Variants in AMZ1 observed in about 807,000 individuals in gnomAD.
The protein encoded by AMZ1 is archaelysin family metallopeptidase 1.
A neutral mutation model predicts 29.9 loss-of-function variants in AMZ1; 39 were observed. That is an observed-to-expected ratio of 1.30 (90% CI 1.01 to 1.70). The LOEUF is 1.70. AMZ1 is among the 40% of genes most tolerant of loss of function. The pLI, the probability that AMZ1 is intolerant of heterozygous loss-of-function variation, is 0.00. For synonymous variants in AMZ1, 458 were observed against 304.0 expected, an observed-to-expected ratio of 1.51 and a Z score of -5.27; for missense variants, 1,041 against 680.6, an observed-to-expected ratio of 1.53 and a Z score of -5.89.
chr7:2,681,645 G>A (rs1786887056), intron 1 of AMZ1, among the ~76,000 whole-genome samples: 3 of 152,150 alleles, frequency 2.0e-5, no homozygotes, highest in Admixed American at 6.5e-5. Flanking sequence ...GACAGACCCC[G>A]ACAGGGACAG....
rs144511959 is a variant in AMZ1 at position 2,706,651 on chromosome 7, G to A, written c.473-1937G>A. Among the ~76,000 whole-genome samples the A allele has an allele frequency of 2.5e-4, 38 of 152,290 alleles. No homozygotes were observed. In the East Asian group the frequency reaches 7.0e-3, roughly 28 times the overall value. The stretch of plus-strand genomic sequence containing the variant: ...GCCTTTGACTTCCCGTGAGCTTTAC[G>A]CCATGTGCCTCTGCGTCTCTTCTAA... On this transcript the variant is annotated intron_variant, in intron 3 of 6. Transcript: ENST00000683327.
intron 1 of AMZ1, among the ~76,000 whole-genome samples, chr7:2,698,340 C>A (rs1430987315): frequency 9.2e-5 from 14 of 152,188 alleles, no homozygotes; most frequent in Non-Finnish European, 1.5e-5. Flanking sequence ...GAGTTTGAGA[C>A]CAGCCTGGCC....
intron 3 of AMZ1, 51 bp from the exon 4 acceptor site, chr7:2,708,536 AT>A (rs1788508966): frequency 6.2e-7 from 1 of 1,605,036 alleles, no homozygotes; most frequent in Non-Finnish European, 8.5e-7. Context: ...AGCCTGGAAG[AT>A]GGGGGTCCCC....
chr7:2,700,026 C>G (rs1787958473), intron 1 of AMZ1, among the ~76,000 whole-genome samples: 2 of 149,756 alleles, frequency 1.3e-5, no homozygotes, highest in African/African-American at 4.9e-5. Flanking sequence ...GGGACCCAAC[C>G]TGCTAGAGAA....
chr7:2,699,712 T>TG (rs1787942476), intron 1 of AMZ1, among the ~76,000 whole-genome samples: 1 of 152,090 alleles, frequency 6.6e-6, no homozygotes, highest in Non-Finnish European at 1.5e-5. Context: ...CCCCAGGCGA[T>TG]GGGGGGACCC....
At chr7:2,709,937 C>G (rs895630391) in intron 6 of AMZ1, 121 bp downstream of exon 6, 4 of 1,357,184 alleles carry the variant, frequency 2.9e-6, no homozygotes, top group African/African-American at 1.5e-5. Flanking sequence ...TGCCGGGTTC[C>G]AGGCAGTGCA....
In AMZ1 at chr7:2,712,833, C is replaced by T. The variant is rs1464706555; in HGVS notation, c.1452C>T (p.Ala484=). The change falls in exon 7 of 7, where the codon GCC becomes GCT. Residue 484 remains alanine, a synonymous_variant. Transcript: ENST00000683327. The stretch of plus-strand genomic sequence containing the variant: ...GGAAGCTGAGTGCCCGAAAACTCGC[C>T]AGAGCAGAGTCGGCCCCCCGTCCCT... The part of the protein sequence containing the change: ...LRRKLSARKL[A]RAESAPRPWD... 5.2e-6 allele frequency: 8 copies of T among 1,534,422 alleles called. No individual in the cohort carries two copies. Among genetic ancestry groups the T allele is most frequent in the Non-Finnish European group, 7.0e-6 (8 of 1,139,592 alleles).
intron 1 of AMZ1, among the ~76,000 whole-genome samples, chr7:2,682,118 A>G (rs2115021426): frequency 6.6e-6 from 1 of 152,302 alleles, no homozygotes; most frequent in East Asian, 1.9e-4. Context: ...ATACTAATCC[A>G]GAAGCTCAAA....
intron 3 of AMZ1, among the ~76,000 whole-genome samples, chr7:2,706,640 G>A (rs1026878748): frequency 6.6e-6 from 1 of 152,178 alleles, no homozygotes; most frequent in African/African-American, 2.4e-5. Context: ...TTGACTTCCC[G>A]TGAGCTTTAC....
intron 4 of AMZ1, among the ~76,000 whole-genome samples, chr7:2,744,362 A>G (rs1790663262): frequency 6.6e-6 from 1 of 152,292 alleles, no homozygotes; most frequent in East Asian, 1.9e-4. Context: ...GTGGGTCACC[A>G]ATATCCGCTG....
intron 4 of AMZ1, among the ~76,000 whole-genome samples, chr7:2,744,725 T>C (rs1790683876): frequency 6.6e-6 from 1 of 152,104 alleles, no homozygotes; most frequent in Non-Finnish European, 1.5e-5. Context: ...TACTCTGAGC[T>C]ACAGGAGGAA....
At position 2,709,078 on chromosome 7, in the gene AMZ1, T is replaced by C; in HGVS notation, c.605T>C (p.Val202Ala). 2.5e-6 allele frequency: 4 copies of C among 1,587,184 alleles called. No homozygotes were observed. Among genetic ancestry groups the C allele is most frequent in the Non-Finnish European group, 3.4e-6 (4 of 1,166,852 alleles). ...TFSKFLPGHE[V>A]GVCSFARFSG... ...CCTTCTCTCCATCTCTCTCCAGAAG[T>C]GGGCGTCTGCAGCTTCGCCCGGTTC... Residue 202 changes from valine (V) to alanine (A), a missense_variant, in exon 5 of 7, where the codon GTG becomes GCG. Transcript: ENST00000683327.
chr7:2,746,173 A>C (rs1227570991), intron 4 of AMZ1, among the ~76,000 whole-genome samples: 1 of 152,234 alleles, frequency 6.6e-6, no homozygotes, highest in East Asian at 1.9e-4. Context: ...AGCAGACCTA[A>C]TAGACATCTA....
In AMZ1 at chr7:2,731,437, T is replaced by G. The variant is rs1434842389; in HGVS notation, n.550+21621T>G. On this transcript the variant is annotated intron_variant and non_coding_transcript_variant, in intron 4 of 4. Coordinates refer to the AMZ1 transcript ENST00000489665. This position sits in a 1 kb window ranked among gnomAD's most constrained non-coding sequence, Gnocchi z 6.0. ...CACCTTCTCCACCAGGAGGTCCATC[T>G]TGTTGAGGAAGAGAATGATGGAGAC... The G allele has an allele frequency of 6.2e-7, 1 of 1,613,710 alleles. No individual in the cohort carries two copies. Among genetic ancestry groups the G allele is most frequent in the Admixed American group, 1.7e-5 (1 of 59,980 alleles).
At chr7:2,743,543 T>G (rs542470247) in intron 4 of AMZ1, among the ~76,000 whole-genome samples, 37 of 152,250 alleles carry the variant, frequency 2.4e-4, no homozygotes, top group African/African-American at 8.7e-4. Flanking sequence ...CAAAATCTTA[T>G]CAGAGGTCAG....
At chr7:2,688,690 A>G (rs1312697147) in intron 1 of AMZ1, among the ~76,000 whole-genome samples, 1 of 152,132 alleles carries the variant, frequency 6.6e-6, no homozygotes, top group East Asian at 1.9e-4. Flanking sequence ...GGGGCGAGCC[A>G]GGTGGGTGCG....
rs553326573 is a variant in AMZ1 at position 2,715,957 on chromosome 7, C to T, written c.*3079C>T. 39 of 151,840 alleles carry T rather than the reference C, an allele frequency of 2.6e-4. No individual in the cohort carries two copies. The highest frequency in any genetic ancestry group is 9.4e-4 in the African/African-American group (39 of 41,514). 9.4% of individuals were successfully genotyped at this position (151,840 alleles called of 1,614,324 possible). On this transcript the variant is annotated 3_prime_UTR_variant, in exon 7 of 7. Coordinates refer to ENST00000683327, the MANE Select transcript of AMZ1 (RefSeq NM_001384743.1). ...CGTGCAAAGTCCACTGAATTGCTTT[C>T]TCGTCTCATCTGTCAGAAGCCCCTG...
At chr7:2,721,011 G>C (rs962052353), downstream of AMZ1, among the ~76,000 whole-genome samples, 11 of 152,320 alleles carry the variant, frequency 7.2e-5, no homozygotes, top group African/African-American at 2.6e-4. Context: ...GTCACAGCAT[G>C]TTTCCTGTGT....
chr7:2,710,312 C>A (rs868548843), intron 6 of AMZ1, among the ~76,000 whole-genome samples: 1 of 152,194 alleles, frequency 6.6e-6, no homozygotes, highest in South Asian at 2.1e-4. Context: ...AGGGCTCGTC[C>A]GTATTCATGG....
Sources: gnomAD v4.1 joint callset for allele counts (sites outside exome capture counted in the v4.1 genomes callset) on GRCh38, gnomAD v4.1.1 for gene constraint, Gnocchi (gnomAD v3.1) non-coding constraint, MANE v1.5 for transcripts, NCBI Gene and HGNC (gene_info 2026-07-23, HGNC 2026-07-21) for gene names.